The following NFATC2 variants were observed in gnomAD, a reference collection of about 807,000 sequenced individuals.
NFATC2 encodes the protein nuclear factor of activated T cells 2.
A neutral mutation model predicts 87.3 loss-of-function variants in NFATC2; 22 were observed. The ratio of observed to expected loss-of-function variants is 0.25; its 90% CI spans 0.18 to 0.36. NFATC2 has a LOEUF of 0.36. Ranked by LOEUF, NFATC2 falls within the 10% of genes least tolerant of loss-of-function variation. NFATC2 has a pLI of 1.00. For synonymous variants in NFATC2, 565 were observed against 542.2 expected, an observed-to-expected ratio of 1.04 and a Z score of -0.58; for missense variants, 1,149 against 1,259.1, an observed-to-expected ratio of 0.91 and a Z score of 1.32.
chr20:51,452,722 G>A (rs1412773827), intron 6 of NFATC2, among the ~76,000 whole-genome samples: 1 of 152,134 alleles, frequency 6.6e-6, no homozygotes, highest in Non-Finnish European at 1.5e-5. Flanking sequence ...AAACAATCTC[G>A]ACACTCAACC....
At chr20:51,540,373 T>G (rs949235739) in intron 1 of NFATC2, among the ~76,000 whole-genome samples, 1 of 152,106 alleles carries the variant, frequency 6.6e-6, no homozygotes, top group African/African-American at 2.4e-5. Flanking sequence ...GTGGGCTTCC[T>G]CCCGAAAACC....
chr20:51,529,605 T>C (rs2076600999), intron 1 of NFATC2, among the ~76,000 whole-genome samples: 1 of 152,144 alleles, frequency 6.6e-6, no homozygotes, highest in Non-Finnish European at 1.5e-5. Context: ...CTGGGTGAAG[T>C]TAGTTTCATC....
At chr20:51,397,980 G>A (rs1568925193) in intron 10 of NFATC2, among the ~76,000 whole-genome samples, 2 of 152,158 alleles carry the variant, frequency 1.3e-5, no homozygotes, top group African/African-American at 4.8e-5. Context: ...GCACGATAAG[G>A]TCTTCTTAGC....
intron 9 of NFATC2, among the ~76,000 whole-genome samples, chr20:51,412,267 C>T (rs1979365805): frequency 6.6e-6 from 1 of 152,188 alleles, no homozygotes; most frequent in South Asian, 2.1e-4. Flanking sequence ...TCTGGCATCA[C>T]ACAGCTGGGG....
chr20:51,516,703 A>C lies in NFATC2; in HGVS notation c.1332+81T>G, dbSNP rs1186356358. On this transcript the variant is annotated intron_variant, in intron 3 of 10. Transcript: ENST00000371564. ...CTGAGACACATACCTCACCTTAACAAGCAACAAACAGTGGGTCAGCAGAAG... is the reference window on the plus strand; with the variant it reads ...CTGAGACACATACCTCACCTTAACACGCAACAAACAGTGGGTCAGCAGAAG... The C allele has an allele frequency of 4.8e-6, 7 of 1,454,350 alleles. No individual in the cohort carries two copies. The East Asian group carries it at 1.6e-4, about 34-fold the overall frequency. The allele number at this position is 1,454,350 out of a possible 1,614,324, so 90.1% of individuals were successfully genotyped here. A position where few individuals can be genotyped will look rare whatever the true frequency, so the allele number is the denominator to read the frequency against.
chr20:51,448,608 C>T (rs1568991536), intron 6 of NFATC2, among the ~76,000 whole-genome samples: 1 of 152,116 alleles, frequency 6.6e-6, no homozygotes, highest in Non-Finnish European at 1.5e-5. Flanking sequence ...CGCGCACTCG[C>T]GCCACGCCAC....
In NFATC2 at chr20:51,391,337, G is replaced by C. The variant is rs1203257411; in HGVS notation, c.*159C>G. On this transcript the variant is annotated 3_prime_UTR_variant, in exon 11 of 11. Transcript: ENST00000371564. ...AACATGAAAGGAGACAGAAGGTGAG[G>C]GGCTGTGGAGGGCTCCGAGGGGTCA... 1 of 1,539,842 alleles carries C rather than the reference G, an allele frequency of 6.5e-7. No individual in the cohort carries two copies. The highest frequency in any genetic ancestry group is 9.0e-7 in the Non-Finnish European group (1 of 1,112,840).
intron 9 of NFATC2, among the ~76,000 whole-genome samples, chr20:51,412,835 G>A (rs1979449968): frequency 6.6e-6 from 1 of 152,082 alleles, no homozygotes; most frequent in Non-Finnish European, 1.5e-5. Context: ...AATCTCATGG[G>A]TCTCCCTGCA....
chr20:51,547,117 C>T (rs910343405), upstream of NFATC2, among the ~76,000 whole-genome samples: 35 of 152,038 alleles, frequency 2.3e-4, no homozygotes, highest in Non-Finnish European at 4.7e-4. Context: ...GAATCATAGA[C>T]GAGTTTTTAG....
chr20:51,504,416 A>G (rs749756549), intron 3 of NFATC2, among the ~76,000 whole-genome samples: 1 of 152,150 alleles, frequency 6.6e-6, no homozygotes, highest in African/African-American at 2.4e-5. Context: ...GATCATAGGC[A>G]TGACTCAAAG....
At chr20:51,445,536 C>T (rs1568987677) in intron 6 of NFATC2, among the ~76,000 whole-genome samples, 1 of 152,216 alleles carries the variant, frequency 6.6e-6, no homozygotes, top group African/African-American at 2.4e-5. Flanking sequence ...AACTCCTTGC[C>T]ATTGTATAGA....
intron 1 of NFATC2, among the ~76,000 whole-genome samples, chr20:51,532,679 C>T (rs1275092252): frequency 6.6e-6 from 1 of 152,234 alleles, no homozygotes; most frequent in African/African-American, 2.4e-5. Flanking sequence ...GCTCGCTCAG[C>T]GCCAACCCGC....
At chr20:51,409,416 G>A (rs909602034) in intron 9 of NFATC2, among the ~76,000 whole-genome samples, 32 of 152,226 alleles carry the variant, frequency 2.1e-4, no homozygotes, top group African/African-American at 6.3e-4. Context: ...AAGAATTACA[G>A]CTAAAGCAAA....
In NFATC2 at chr20:51,462,422, G is replaced by C. The variant is rs147612961; in HGVS notation, c.1709-7734C>G. On this transcript the variant is annotated intron_variant, in intron 5 of 10. Coordinates refer to ENST00000371564, the MANE Select transcript of NFATC2 (RefSeq NM_012340.5). Reference sequence around the variant, plus strand: ...GATCGCGCCACTGCACTCCAGCCTGGATGACAGAGCGAGACTCTGTCTCAA... The same window carrying C: ...GATCGCGCCACTGCACTCCAGCCTGCATGACAGAGCGAGACTCTGTCTCAA... 3.9e-3 allele frequency among the ~76,000 whole-genome samples: 601 copies of C among 152,260 alleles called. 3 individuals are homozygous for C. Among genetic ancestry groups the C allele is most frequent in the Non-Finnish European group, 6.3e-3 (430 of 68,026 alleles).
intron 1 of NFATC2, among the ~76,000 whole-genome samples, chr20:51,552,074 C>A (rs1032779743): frequency 1.8e-4 from 28 of 151,972 alleles, no homozygotes; most frequent in South Asian, 1.7e-3. Flanking sequence ...TGGGCTTACG[C>A]CTGTAATCCC....
Position 51,542,615 on chromosome 20 carries a change from T to C in NFATC2, c.-116A>G, listed in dbSNP as rs934605277. On this transcript the variant is annotated 5_prime_UTR_variant, in exon 1 of 11. Transcript: ENST00000371564. ...TCGAGCGGCGGGGTCCCTTTCCTCGTAGGGACGCACGCCGGGTCCGGGGAC... is the reference window on the plus strand; with the variant it reads ...TCGAGCGGCGGGGTCCCTTTCCTCGCAGGGACGCACGCCGGGTCCGGGGAC... 5 of 1,217,502 alleles carry C rather than the reference T, an allele frequency of 4.1e-6. No homozygotes were observed. The African/African-American group carries it at 6.4e-5, about 16-fold the overall frequency. 75.4% of individuals were successfully genotyped at this position (1,217,502 alleles called of 1,614,324 possible).
At chr20:51,544,196 C>G (rs2076869229), upstream of NFATC2, among the ~76,000 whole-genome samples, 2 of 151,732 alleles carry the variant, frequency 1.3e-5, no homozygotes, top group Non-Finnish European at 2.9e-5. Context: ...ACTGTGTTAG[C>G]CAGGAAGGTC....
intron 3 of NFATC2, among the ~76,000 whole-genome samples, chr20:51,512,125 T>C (rs188173973): frequency 1.3e-5 from 2 of 152,230 alleles, no homozygotes; most frequent in Non-Finnish European, 2.9e-5. Context: ...ATTTGTCTCT[T>C]TGCTGGTTCT....
chr20:51,498,424 G>A (rs1237951173), intron 3 of NFATC2, among the ~76,000 whole-genome samples: 1 of 152,206 alleles, frequency 6.6e-6, no homozygotes, highest in African/African-American at 2.4e-5. Context: ...TGTGGCAGGG[G>A]GGTGGATGAG....
Sources: allele counts gnomAD v4.1 joint callset (sites outside exome capture counted in the v4.1 genomes callset), GRCh38; gene constraint gnomAD v4.1.1; transcripts MANE v1.5; gene names NCBI Gene and HGNC (gene_info 2026-07-23, HGNC 2026-07-21).